The following FAM117A variants were observed in gnomAD, a reference collection of about 807,000 sequenced individuals.
The protein encoded by FAM117A is protein FAM117A.
A neutral mutation model predicts 44.1 loss-of-function variants in FAM117A; 21 were observed. The observed-to-expected ratio is 0.48, with a 90% CI of 0.34 to 0.69. FAM117A has a LOEUF of 0.69. Among genes scored for constraint, FAM117A ranks in the 30% least tolerant of loss-of-function variants. The pLI is 0.01. For synonymous variants in FAM117A, 220 were observed against 238.3 expected (o/e 0.92, Z 0.71); for missense variants, 498 against 589.9 (o/e 0.84, Z 1.61).
At chr17:49,762,732 G>A (rs917694324) in intron 1 of FAM117A, among the ~76,000 whole-genome samples, 2 of 152,188 alleles carry the variant, frequency 1.3e-5, no homozygotes, top group African/African-American at 4.8e-5. Flanking sequence ...TAGAGGCTCC[G>A]GCTTTGGAAG....
chr17:49,771,171 C>T (rs932205388), intron 1 of FAM117A, among the ~76,000 whole-genome samples: 1 of 152,310 alleles, frequency 6.6e-6, no homozygotes, highest in African/African-American at 2.4e-5. Flanking sequence ...TGTGCCACTG[C>T]ACTCCGGCCC....
intron 1 of FAM117A, among the ~76,000 whole-genome samples, chr17:49,773,611 C>A (rs1277605078): frequency 2.0e-5 from 3 of 152,154 alleles, no homozygotes; most frequent in Non-Finnish European, 4.4e-5. Flanking sequence ...CCTGCAACTC[C>A]ATCTTCACCA....
intron 2 of FAM117A, among the ~76,000 whole-genome samples, chr17:49,727,398 ACT>A (rs1377973715): frequency 6.6e-6 from 1 of 152,062 alleles, no homozygotes; most frequent in African/African-American, 2.4e-5. Flanking sequence ...ACAGGGCGAG[ACT>A]CTGTTCTCCA....
chr17:49,788,641 C>A, upstream of FAM117A: 1 of 520,628 alleles, frequency 1.9e-6, no homozygotes, highest in Non-Finnish European at 3.4e-6. Flanking sequence ...GAGACCCAGC[C>A]GGAAGTGAAG....
In FAM117A at chr17:49,720,351, T is replaced by G. The variant is rs146563560; in HGVS notation, c.548A>C (p.Asp183Ala). ...CCTCAGTGCTCCCCGCACTGCGTGG[T>G]CCCCTAGGAGTGGTGAACCTCGCTC... is the stretch of plus-strand genomic sequence containing the variant. ...EKERGSPLLGDHAVRGALRAS... is the reference protein window; with the variant it reads ...EKERGSPLLGAHAVRGALRAS... Residue 183 changes from aspartate to alanine, a missense_variant, in exon 4 of 8, where the codon GAC (aspartate) becomes GCC (alanine). Asp to Ala is a moderately radical substitution (Grantham distance 126). Around this residue, in one of 3 missense-constraint regions of FAM117A, gnomAD observed 270 missense variants for 277.4 expected, o/e 0.97. Transcript: ENST00000240364. The G allele has an allele frequency of 2.5e-6, 4 of 1,613,684 alleles. No individual in the cohort carries two copies. The highest frequency in any genetic ancestry group is 1.7e-6 in the Non-Finnish European group (2 of 1,179,974).
At chr17:49,762,684 C>G (rs553714762) in intron 1 of FAM117A, among the ~76,000 whole-genome samples, 3 of 152,164 alleles carry the variant, frequency 2.0e-5, no homozygotes, top group African/African-American at 4.8e-5. Flanking sequence ...TGTCATTAAC[C>G]GTTAAGACGG....
upstream of FAM117A, among the ~76,000 whole-genome samples, chr17:49,767,318 A>G (rs117934294): frequency 0.011 from 1,703 of 152,218 alleles, 27 homozygotes; most frequent in East Asian, 0.08. Context: ...TTGCAACAAA[A>G]CCTTTGCCAC....
intron 1 of FAM117A, among the ~76,000 whole-genome samples, chr17:49,776,039 T>A (rs2073774717): frequency 1.3e-5 from 2 of 152,182 alleles, no homozygotes; most frequent in South Asian, 4.1e-4. Flanking sequence ...CCTCCCTTCA[T>A]ACGCCTGTGG....
Position 49,716,190 on chromosome 17 carries a change from T to C in FAM117A, c.1036A>G (p.Lys346Glu). The change falls in exon 7 of 8, where the codon AAA becomes GAA. Residue 346 changes from lysine (K) to glutamate (E), a missense_variant. Coordinates refer to ENST00000240364, the MANE Select transcript of FAM117A (RefSeq NM_030802.4). ...FKREPPEGCE[K>E]VRVFEEATSP... ...GTGGCTTCTTCAAACACACGCACTT[T>C]CTCACAGCCTTCTGGGGGCTCCCGT... 2 of 1,613,326 alleles carry C rather than the reference T, an allele frequency of 1.2e-6. No individual in the cohort carries two copies. The highest frequency in any genetic ancestry group is 1.7e-6 in the Non-Finnish European group (2 of 1,179,798).
chr17:49,784,177 G>A (rs1024314157), intron 1 of FAM117A, among the ~76,000 whole-genome samples: 1 of 152,220 alleles, frequency 6.6e-6, no homozygotes, highest in African/African-American at 2.4e-5. Context: ...AGGACATCAA[G>A]GGATCTTTTA....
At chr17:49,778,288 A>G (rs370417125) in intron 1 of FAM117A, among the ~76,000 whole-genome samples, 1 of 152,218 alleles carries the variant, frequency 6.6e-6, no homozygotes, top group African/African-American at 2.4e-5. Flanking sequence ...TTGAGTCCCT[A>G]TTAAGTGCCA....
chr17:49,747,219 G>A (rs747986752), intron 1 of FAM117A: 14 of 151,988 alleles, frequency 9.2e-5, no homozygotes, highest in Non-Finnish European at 1.6e-4. Flanking sequence ...GCTCCCAGAT[G>A]ATCTCTCCCA....
intron 1 of FAM117A, among the ~76,000 whole-genome samples, chr17:49,742,609 T>C (rs2073639123): frequency 6.6e-6 from 1 of 152,148 alleles, no homozygotes; most frequent in Admixed American, 6.5e-5. Flanking sequence ...GGGATCTACA[T>C]GGCCTTTGCA....
upstream of FAM117A, chr17:49,788,829 C>A (rs1215481410): frequency 1.3e-6 from 2 of 1,585,124 alleles, no homozygotes; most frequent in Non-Finnish European, 8.6e-7. Flanking sequence ...GCCGCAGCCG[C>A]CGGCAATGCC....
intron 1 of FAM117A, among the ~76,000 whole-genome samples, chr17:49,738,587 TGG>T (rs2073620304): frequency 6.6e-6 from 1 of 152,186 alleles, no homozygotes; most frequent in South Asian, 2.1e-4. Context: ...AAGAGACAGC[TGG>T]GCCTCAGCCT....
intron 1 of FAM117A, among the ~76,000 whole-genome samples, chr17:49,733,969 C>T (rs1301655467): frequency 6.6e-6 from 1 of 151,464 alleles, no homozygotes; most frequent in Non-Finnish European, 1.5e-5. Context: ...GGTGAAGCCG[C>T]GTCTCTACTA....
intron 3 of FAM117A, among the ~76,000 whole-genome samples, chr17:49,721,868 T>C (rs899974178): frequency 1.3e-5 from 2 of 151,786 alleles, no homozygotes; most frequent in African/African-American, 4.8e-5. Context: ...GGCTTGCAGA[T>C]CACCTGAGGT....
At chr17:49,720,933 T>C (rs573718637) in intron 3 of FAM117A, among the ~76,000 whole-genome samples, 4 of 152,286 alleles carry the variant, frequency 2.6e-5, no homozygotes, top group African/African-American at 7.2e-5. Flanking sequence ...CAGGCTGGTC[T>C]TGAACTCCTT....
At chr17:49,715,680 G>T (rs2017835) in intron 7 of FAM117A, among the ~76,000 whole-genome samples, 3 of 151,942 alleles carry the variant, frequency 2.0e-5, no homozygotes, top group African/African-American at 7.3e-5. Context: ...CAGCCACAGG[G>T]TGAAGACTTG....
Sources: allele counts gnomAD v4.1 joint callset (sites outside exome capture counted in the v4.1 genomes callset), GRCh38; gene constraint gnomAD v4.1.1; regional missense constraint gnomAD v4.1.1; transcripts MANE v1.5; gene names NCBI Gene and HGNC (gene_info 2026-07-23, HGNC 2026-07-21).